Variants in CCDC178 observed in about 807,000 individuals in gnomAD.
CCDC178 encodes coiled-coil domain containing 178.
CCDC178 carries 126 observed loss-of-function variants against 117.4 expected under a neutral mutation model. The ratio of observed to expected loss-of-function variants is 1.07; its 90% CI spans 0.93 to 1.24. The LOEUF (loss-of-function observed/expected upper bound fraction) is 1.24. Ranked by LOEUF, CCDC178 falls within the 50% of genes most tolerant of loss-of-function variation. The probability of loss-of-function intolerance (pLI) is 0.00; values close to 1 mark genes in which losing one functional copy is unlikely to be tolerated. For missense variants in CCDC178, 1,030 were observed against 986.9 expected, an observed-to-expected ratio of 1.04 and a Z score of -0.59; for synonymous variants, 283 against 313.4, an observed-to-expected ratio of 0.90 and a Z score of 1.02.
In CCDC178 at chr18:33,092,797, C is replaced by G; in HGVS notation, c.2352G>C (p.Gln784His). ...CTCTAATTGAAGTATCAAGTGATAGCTGTTTATCATATATATTGAAATAAT... is the reference window on the plus strand; with the variant it reads ...CTCTAATTGAAGTATCAAGTGATAGGTGTTTATCATATATATTGAAATAAT... ...KDNYFNIYDK[Q>H]LSLDTSIRDK... The change falls in exon 21 of 23, where the codon CAG becomes CAC. Residue 784 changes from glutamine to histidine, a missense_variant. Transcript: ENST00000383096. 3 of 1,543,146 alleles carry G rather than the reference C, an allele frequency of 1.9e-6. No individual in the cohort carries two copies. The highest frequency in any genetic ancestry group is 2.7e-6 in the Non-Finnish European group (3 of 1,127,626).
intron 2 of CCDC178, among the ~76,000 whole-genome samples, chr18:33,438,995 G>A (rs1599323237): frequency 6.6e-6 from 1 of 152,282 alleles, no homozygotes; most frequent in East Asian, 1.9e-4. Context: ...CATCCACATA[G>A]TCTGACATTG....
chr18:33,326,014 TAA>T (rs1003858820), intron 10 of CCDC178, among the ~76,000 whole-genome samples: 20 of 152,182 alleles, frequency 1.3e-4, no homozygotes, highest in African/African-American at 4.8e-4. Flanking sequence ...CTTCCTATTT[TAA>T]AAGATTCTCC....
At chr18:33,366,269 A>G (rs2063205079) in intron 6 of CCDC178, among the ~76,000 whole-genome samples, 1 of 152,048 alleles carries the variant, frequency 6.6e-6, no homozygotes, top group South Asian at 2.1e-4. Context: ...GTTCAAGACG[A>G]GCAGGGCCAG....
At chr18:33,088,026 T>C (rs1399962170) in intron 21 of CCDC178, among the ~76,000 whole-genome samples, 1 of 152,100 alleles carries the variant, frequency 6.6e-6, no homozygotes, top group Non-Finnish European at 1.5e-5. Flanking sequence ...CAAGGTAGGT[T>C]AAATAGCAAA....
chr18:33,038,891 A>G (rs1330163716), intron 21 of CCDC178, among the ~76,000 whole-genome samples: 2 of 152,026 alleles, frequency 1.3e-5, no homozygotes, highest in Non-Finnish European at 2.9e-5. Flanking sequence ...ACTCCCATCA[A>G]TTTAGTTTAA....
rs563463648 is a variant in CCDC178, at chr18:33,361,709, A to G, written c.349-5363T>C. 3.3e-5 allele frequency among the ~76,000 whole-genome samples: 5 copies of G among 152,020 alleles called. No homozygotes were observed. In the East Asian group the frequency reaches 9.7e-4, roughly 29 times the overall value. On this transcript the variant is annotated intron_variant, in intron 6 of 22. Transcript: ENST00000383096. ...AAACAGGTATGCAAAAAGGTGCTCA[A>G]CATCACTAATCATCAAGGAAATGCA...
intron 10 of CCDC178, 111 bp from the exon 11 acceptor site, chr18:33,323,744 C>T: frequency 1.6e-6 from 1 of 621,520 alleles, no homozygotes; most frequent in Non-Finnish European, 2.4e-6. Flanking sequence ...GAAACATTTT[C>T]TTCCCACATT....
At chr18:33,096,441 T>C (rs1173722383) in intron 20 of CCDC178, among the ~76,000 whole-genome samples, 2 of 150,588 alleles carry the variant, frequency 1.3e-5, no homozygotes, top group Admixed American at 1.3e-4. Context: ...CACTTTGTGA[T>C]ATACAGCAAG....
At chr18:33,176,558 C>A (rs910340507) in intron 20 of CCDC178, among the ~76,000 whole-genome samples, 2 of 152,250 alleles carry the variant, frequency 1.3e-5, no homozygotes, top group African/African-American at 4.8e-5. Flanking sequence ...ATTTTTCCCC[C>A]TCTTTCACTA....
chr18:33,087,837 T>G (rs573388582), intron 21 of CCDC178, among the ~76,000 whole-genome samples: 2 of 152,294 alleles, frequency 1.3e-5, no homozygotes, highest in South Asian at 4.1e-4. Flanking sequence ...CTTTCACATT[T>G]CTCTAGGAAA....
chr18:33,096,389 TAAA>T (rs2057545366), intron 20 of CCDC178, among the ~76,000 whole-genome samples: 1 of 144,964 alleles, frequency 6.9e-6, no homozygotes, highest in African/African-American at 2.5e-5. Context: ...TATAAAAATA[TAAA>T]AATATAAAAA....
chr18:33,145,589 C>A (rs1329872359), intron 20 of CCDC178, among the ~76,000 whole-genome samples: 2 of 152,258 alleles, frequency 1.3e-5, no homozygotes, highest in East Asian at 3.9e-4. Flanking sequence ...TACCAAATAT[C>A]CATAGGCTCA....
chr18:33,240,245 A>T (rs938119879), intron 15 of CCDC178, among the ~76,000 whole-genome samples: 2 of 151,972 alleles, frequency 1.3e-5, no homozygotes, highest in African/African-American at 4.8e-5. Context: ...CAGTTTTAAC[A>T]GCCAAGTTCA....
rs767652750 is a variant in CCDC178, at chr18:33,092,907, T to C, written c.2242A>G (p.Ile748Val). ...TTTTCTTCAAGTGAATCAGCTATTATTTTCTAGAAGGTAAAAAAATATAAT... is the reference window on the plus strand; with the variant it reads ...TTTTCTTCAAGTGAATCAGCTATTACTTTCTAGAAGGTAAAAAAATATAAT... ...RQKTLQDTQK[I>V]IADSLEENLR... Residue 748 changes from isoleucine to valine, a missense_variant, in exon 21 of 23, where the codon ATA becomes GTA. Transcript: ENST00000383096. The C allele has an allele frequency of 6.5e-7, 1 of 1,541,580 alleles. No homozygotes were observed. The highest frequency in any genetic ancestry group is 8.8e-7 in the Non-Finnish European group (1 of 1,141,768).
At chr18:33,101,435 T>G (rs941805591) in intron 20 of CCDC178, among the ~76,000 whole-genome samples, 3 of 151,834 alleles carry the variant, frequency 2.0e-5, no homozygotes, top group Admixed American at 6.6e-5. Flanking sequence ...ACATTTCTAC[T>G]TCACTGGCGG....
chr18:33,204,100 AAAAT>A (rs1292317730), intron 20 of CCDC178, among the ~76,000 whole-genome samples: 1 of 152,164 alleles, frequency 6.6e-6, no homozygotes. Flanking sequence ...AACAGAAAAC[AAAAT>A]ATAGTCCAGG....
At position 33,001,729 on chromosome 18, in the gene CCDC178, T is replaced by C. The variant is rs867784148; in HGVS notation, c.2389-27048A>G. Among the ~76,000 whole-genome samples, 4 of 151,798 alleles carry C rather than the reference T, an allele frequency of 2.6e-5. No homozygotes were observed. The South Asian group carries it at 6.2e-4, about 24-fold the overall frequency. The stretch of plus-strand genomic sequence containing the variant: ...GACTAACCTCTCCAGTCAAAAGACA[T>C]AGATTGTATGAATGGATTAAAAAAA... On this transcript the variant is annotated intron_variant, in intron 21 of 22. Transcript: ENST00000383096.
chr18:33,005,445 A>T (rs546590315), intron 21 of CCDC178, among the ~76,000 whole-genome samples: 2 of 152,174 alleles, frequency 1.3e-5, no homozygotes, highest in Non-Finnish European at 2.9e-5. Flanking sequence ...GATCAGAATG[A>T]TGGTTACCAA....
chr18:33,433,715 T>A (rs1287062604), intron 2 of CCDC178, among the ~76,000 whole-genome samples: 3 of 152,202 alleles, frequency 2.0e-5, no homozygotes, highest in Non-Finnish European at 4.4e-5. Flanking sequence ...GGTTTCCTGT[T>A]ATGTTTCATT....
Sources: gnomAD v4.1 joint callset for allele counts (sites outside exome capture counted in the v4.1 genomes callset) on GRCh38, gnomAD v4.1.1 for gene constraint, MANE v1.5 for transcripts, NCBI Gene and HGNC (gene_info 2026-07-23, HGNC 2026-07-21) for gene names.